The following LYSMD2 variants were observed in gnomAD, a reference collection of about 807,000 sequenced individuals.
LYSMD2 encodes the protein LysM domain containing 2.
Under a neutral mutation model 17.7 loss-of-function variants are expected in LYSMD2, and 6 were observed. That is an observed-to-expected ratio of 0.34 (90% CI 0.19 to 0.67). LYSMD2 has a LOEUF of 0.67. Ranked by LOEUF, LYSMD2 falls within the 30% of genes least tolerant of loss-of-function variation. The pLI, the probability that LYSMD2 is intolerant of heterozygous loss-of-function variation, is 0.69. For synonymous variants in LYSMD2, 102 were observed against 129.8 expected, an observed-to-expected ratio of 0.79 and a Z score of 1.45; for missense variants, 237 against 286.7, an observed-to-expected ratio of 0.83 and a Z score of 1.25.
chr15:51,732,885 C>T lies in LYSMD2; in HGVS notation c.273+4465G>A, dbSNP rs539612247. ...AAAAGCCACCATCTTATCTGGTTTC[C>T]TTGCTTGGTACTAGCTTCCCTACAA... On this transcript the variant is annotated intron_variant, in intron 1 of 2. Transcript: ENST00000267838. 5.3e-5 allele frequency among the ~76,000 whole-genome samples: 8 copies of T among 152,360 alleles called. No individual in the cohort carries two copies. In the East Asian group the frequency reaches 1.5e-3, roughly 29 times the overall value.
chr15:51,747,760 G>A (rs1328658007), intron 1 of LYSMD2, among the ~76,000 whole-genome samples: 2 of 152,228 alleles, frequency 1.3e-5, no homozygotes, highest in East Asian at 3.9e-4. Flanking sequence ...TTGCATCACT[G>A]TGGTATCATT....
chr15:51,738,955 A>T (rs574945519), upstream of LYSMD2, among the ~76,000 whole-genome samples: 3 of 152,346 alleles, frequency 2.0e-5, no homozygotes, highest in South Asian at 6.2e-4. Flanking sequence ...CCTGCCAAAC[A>T]GAGCCTCTGA....
chr15:51,747,731 A>G (rs2055675150), intron 1 of LYSMD2, among the ~76,000 whole-genome samples: 1 of 152,110 alleles, frequency 6.6e-6, no homozygotes, highest in African/African-American at 2.4e-5. Flanking sequence ...AGAGCTTCCT[A>G]TATTTTGGAT....
chr15:51,733,114 A>G (rs1567228621), intron 1 of LYSMD2, among the ~76,000 whole-genome samples: 1 of 152,068 alleles, frequency 6.6e-6, no homozygotes, highest in South Asian at 2.1e-4. Context: ...GAAGGTGCCA[A>G]TTATGTTCTC....
intron 1 of LYSMD2, among the ~76,000 whole-genome samples, chr15:51,729,869 A>G (rs2055565649): frequency 6.6e-6 from 1 of 152,230 alleles, no homozygotes; most frequent in Non-Finnish European, 1.5e-5. Flanking sequence ...GAAGAGCTGG[A>G]AAACTCTATA....
At chr15:51,747,234 G>A (rs2141604375) in intron 1 of LYSMD2, among the ~76,000 whole-genome samples, 1 of 150,272 alleles carries the variant, frequency 6.7e-6, no homozygotes, top group Non-Finnish European at 1.5e-5. Context: ...AACAAAAACT[G>A]TAATGCCAGC....
intron 1 of LYSMD2, among the ~76,000 whole-genome samples, chr15:51,727,141 T>C (rs1388626939): frequency 6.6e-6 from 1 of 152,144 alleles, no homozygotes; most frequent in Non-Finnish European, 1.5e-5. Flanking sequence ...AAATGGGTAG[T>C]AAGTTATCTG....
chr15:51,741,637 A>G, upstream of LYSMD2, among the ~76,000 whole-genome samples: 1 of 152,190 alleles, frequency 6.6e-6, no homozygotes, highest in East Asian at 1.9e-4. Flanking sequence ...AAATATATTC[A>G]CAGCCCGGGT....
intron 1 of LYSMD2, among the ~76,000 whole-genome samples, chr15:51,734,588 G>A (rs2055597100): frequency 6.6e-6 from 1 of 152,212 alleles, no homozygotes; most frequent in South Asian, 2.1e-4. Context: ...TGGAGAGACA[G>A]GCTTTCCTGA....
At chr15:51,723,850 GAATA>G (rs1306888847) in intron 2 of LYSMD2, among the ~76,000 whole-genome samples, 22 of 151,896 alleles carry the variant, frequency 1.4e-4, no homozygotes, top group African/African-American at 4.6e-4. Context: ...TCAGTTATTA[GAATA>G]AATAATGTCA....
chr15:51,750,728 C>T (rs569052239), intron 1 of LYSMD2, among the ~76,000 whole-genome samples: 1 of 152,118 alleles, frequency 6.6e-6, no homozygotes, highest in Non-Finnish European at 1.5e-5. Context: ...CCCCACTCTG[C>T]TGTCATGCTT....
At chr15:51,745,655 C>CCACA (rs3078131) in intron 1 of LYSMD2, among the ~76,000 whole-genome samples, 5 of 150,998 alleles carry the variant, frequency 3.3e-5, no homozygotes, top group South Asian at 2.1e-4. Flanking sequence ...AAAACACACA[C>CCACA]CACACACACA....
upstream of LYSMD2, chr15:51,737,662 G>T: frequency 8.3e-7 from 1 of 1,199,956 alleles, no homozygotes; most frequent in Non-Finnish European, 1.0e-6. This position sits in a 1 kb window ranked among gnomAD's most constrained non-coding sequence, Gnocchi z 4.2. Context: ...GCTTGCCAAG[G>T]GGGCGGCGCC....
Position 51,737,590 on chromosome 15 carries a change from C to T in LYSMD2, c.33G>A (p.Arg11=). 8.2e-7 allele frequency: 1 copy of T among 1,215,884 alleles called. No homozygotes were observed. Among genetic ancestry groups the T allele is most frequent in the Non-Finnish European group, 1.0e-6 (1 of 979,244 alleles). 75.3% of individuals were successfully genotyped at this position (1,215,884 alleles called of 1,614,324 possible). The part of the protein sequence containing the change: MADSSPALSL[R]EGGPRAPRPS... Reference sequence around the variant, plus strand: ...GCCGCGGCGCGCGGGGGCCGCCTTCCCGCAGGGACAGTGCGGGCGAGGAAT... The same window carrying T: ...GCCGCGGCGCGCGGGGGCCGCCTTCTCGCAGGGACAGTGCGGGCGAGGAAT... The change falls in exon 1 of 3, where the codon CGG becomes CGA. Residue 11 remains arginine, a synonymous_variant. Coordinates refer to ENST00000267838, the MANE Select transcript of LYSMD2 (RefSeq NM_153374.3). This position sits in a 1 kb window ranked among gnomAD's most constrained non-coding sequence, Gnocchi z 4.2.
upstream of LYSMD2, among the ~76,000 whole-genome samples, chr15:51,738,652 C>G (rs957452886): frequency 6.6e-6 from 1 of 152,060 alleles, no homozygotes; most frequent in Non-Finnish European, 1.5e-5. Context: ...GGACAGCTTT[C>G]CAAGAAGAGG....
chr15:51,750,451 C>G (rs1424982607), intron 1 of LYSMD2, among the ~76,000 whole-genome samples: 2 of 152,224 alleles, frequency 1.3e-5, no homozygotes, highest in African/African-American at 4.8e-5. Flanking sequence ...TTACACCAGC[C>G]ATGCTGCATC....
chr15:51,736,055 T>C (rs997734129), intron 1 of LYSMD2, among the ~76,000 whole-genome samples: 3 of 152,240 alleles, frequency 2.0e-5, no homozygotes, highest in Non-Finnish European at 4.4e-5. Context: ...TCTCAATGAA[T>C]GATCATACTT....
intron 2 of LYSMD2, among the ~76,000 whole-genome samples, chr15:51,724,081 A>G (rs1357012779): frequency 1.3e-5 from 2 of 152,030 alleles, no homozygotes; most frequent in African/African-American, 4.8e-5. Context: ...TGTATTAATC[A>G]TAAGAAATAT....
intron 1 of LYSMD2, among the ~76,000 whole-genome samples, chr15:51,735,034 G>T (rs1463968268): frequency 6.6e-6 from 1 of 152,158 alleles, no homozygotes; most frequent in African/African-American, 2.4e-5. Context: ...AATTAGCTGG[G>T]CATGTGGCTT....
Sources: gnomAD v4.1 joint callset for allele counts (sites outside exome capture counted in the v4.1 genomes callset) on GRCh38, gnomAD v4.1.1 for gene constraint, Gnocchi (gnomAD v3.1) non-coding constraint, MANE v1.5 for transcripts, NCBI Gene and HGNC (gene_info 2026-07-23, HGNC 2026-07-21) for gene names.